Variants in ZNF267 observed in about 807,000 individuals in gnomAD.
The protein encoded by ZNF267 is zinc finger protein 267, also known as zinc finger (C2H2).
ZNF267 carries 61 observed loss-of-function variants against 71.6 expected under a neutral mutation model. That is an observed-to-expected ratio of 0.85 (90% CI 0.69 to 1.05). The LOEUF (loss-of-function observed/expected upper bound fraction) is 1.05. Ranked by LOEUF, ZNF267 falls within the 50% of genes least tolerant of loss-of-function variation. The pLI, the probability that ZNF267 is intolerant of heterozygous loss-of-function variation, is 0.00. For synonymous variants in ZNF267, 288 were observed against 293.2 expected (o/e 0.98, Z 0.18); for missense variants, 852 against 870.0 (o/e 0.98, Z 0.26).
chr16:31,889,196 AG>A (rs2083943875), intron 3 of ZNF267, among the ~76,000 whole-genome samples: 1 of 147,428 alleles, frequency 6.8e-6, no homozygotes. Context: ...ATCTAGGAAA[AG>A]TTTGTTCATT....
chr16:31,889,370 G>C (rs1447416072), intron 3 of ZNF267, among the ~76,000 whole-genome samples: 1 of 151,668 alleles, frequency 6.6e-6, no homozygotes, highest in Non-Finnish European at 1.5e-5. Context: ...GCTTATTTGA[G>C]ATCTTTGTTT....
chr16:31,880,621 T>C (rs1198235362), intron 1 of ZNF267, among the ~76,000 whole-genome samples: 1 of 152,146 alleles, frequency 6.6e-6, no homozygotes, highest in Non-Finnish European at 1.5e-5. Flanking sequence ...GGACACTTGG[T>C]TATATATCCT....
At chr16:31,886,056 A>G (rs1388863363) in intron 3 of ZNF267, among the ~76,000 whole-genome samples, 1 of 152,190 alleles carries the variant, frequency 6.6e-6, no homozygotes, top group East Asian at 1.9e-4. Context: ...CTGGTTCAGT[A>G]TGAAGCTTAC....
intron 3 of ZNF267, among the ~76,000 whole-genome samples, chr16:31,904,756 CT>C (rs1403433914): frequency 6.6e-6 from 1 of 152,172 alleles, no homozygotes; most frequent in African/African-American, 2.4e-5. Flanking sequence ...CAGTCTGTGT[CT>C]TTTAATTGGA....
At chr16:31,885,305 T>G (rs572191100) in intron 3 of ZNF267, 49 bp downstream of exon 3, 10 of 1,528,970 alleles carry the variant, frequency 6.5e-6, no homozygotes, top group Non-Finnish European at 8.8e-6. Context: ...GGTCCAGAAG[T>G]CAAGAAAGAA....
rs745644189 is a variant in ZNF267 at position 31,916,064 on chromosome 16, A to G, written c.1815A>G (p.Thr605=). 5.6e-6 allele frequency: 9 copies of G among 1,614,016 alleles called. No homozygotes were observed. The highest frequency in any genetic ancestry group is 2.2e-5 in the East Asian group (1 of 44,896). ...RRTHTGEKPY[T]CKECGKAFSY... Reference sequence around the variant, plus strand: ...CTCATACTGGAGAGAAACCCTATACATGTAAAGAATGTGGCAAAGCCTTTA... The same window carrying G: ...CTCATACTGGAGAGAAACCCTATACGTGTAAAGAATGTGGCAAAGCCTTTA... The change falls in exon 4 of 4, where the codon ACA becomes ACG. Residue 605 remains threonine (T), a synonymous_variant. Coordinates refer to ENST00000300870, the MANE Select transcript of ZNF267 (RefSeq NM_003414.6).
At chr16:31,914,390 C>A in intron 3 of ZNF267, 86 bp from the exon 4 acceptor site, 1 of 1,241,308 alleles carries the variant, frequency 8.1e-7, no homozygotes, top group Non-Finnish European at 1.1e-6. Flanking sequence ...GTATTCTCAA[C>A]TTAGCATAAT....
chr16:31,916,499 C>T lies in ZNF267; in HGVS notation c.*18C>T, dbSNP rs775209550. ...AACTTTAAAAATGTAAAACATGGAG[C>T]AGATTTTTTACTTGTTACCCATGTC... On this transcript the variant is annotated 3_prime_UTR_variant, in exon 4 of 4. Coordinates refer to ENST00000300870, the MANE Select transcript of ZNF267 (RefSeq NM_003414.6). 2 of 1,592,838 alleles carry T rather than the reference C, an allele frequency of 1.3e-6. No individual in the cohort carries two copies. The highest frequency in any genetic ancestry group is 2.3e-5 in the South Asian group (2 of 87,992).
In ZNF267 at chr16:31,884,581, T is replaced by C. The variant is rs763817496; in HGVS notation, c.87T>C (p.Tyr29=). The C allele has an allele frequency of 6.2e-7, 1 of 1,614,142 alleles. No homozygotes were observed. Among genetic ancestry groups the C allele is most frequent in the East Asian group, 2.2e-5 (1 of 44,862 alleles). The change falls in exon 2 of 4, where the codon TAT becomes TAC. Residue 29 remains tyrosine (Y), a synonymous_variant. Transcript: ENST00000300870. ...TGGAACCAGCTCAGAAGAATTTGTA[T>C]CAGGATGTGATGTTAGAAAACTACA... The part of the protein sequence containing the change: ...EHLEPAQKNL[Y]QDVMLENYRN...
At chr16:31,876,527 A>T (rs1425098813) in intron 1 of ZNF267, among the ~76,000 whole-genome samples, 1 of 152,214 alleles carries the variant, frequency 6.6e-6, no homozygotes, top group Non-Finnish European at 1.5e-5. Context: ...CCTTGGATGT[A>T]TGGCTTTAAT....
At chr16:31,888,369 A>T (rs1296076172) in intron 3 of ZNF267, among the ~76,000 whole-genome samples, 4 of 151,788 alleles carry the variant, frequency 2.6e-5, no homozygotes, top group African/African-American at 9.7e-5. Context: ...TCTTTTTCTT[A>T]CCTAATTGTT....
At chr16:31,880,520 G>T (rs2083882388) in intron 1 of ZNF267, among the ~76,000 whole-genome samples, 1 of 152,094 alleles carries the variant, frequency 6.6e-6, no homozygotes, top group Non-Finnish European at 1.5e-5. Context: ...TTCTATTCTG[G>T]TTCCACAAGG....
intron 3 of ZNF267, chr16:31,912,530 A>T (rs2084143055): frequency 6.6e-6 from 1 of 151,518 alleles, no homozygotes; most frequent in African/African-American, 2.4e-5. Flanking sequence ...CTTTGGGTTC[A>T]ATCTGCTTTG....
At chr16:31,907,142 C>T (rs1482198840) in intron 3 of ZNF267, among the ~76,000 whole-genome samples, 1 of 152,008 alleles carries the variant, frequency 6.6e-6, no homozygotes, top group African/African-American at 2.4e-5. Context: ...TTCTCTTTGT[C>T]ACTTTTGAAT....
At chr16:31,905,997 C>G (rs2084086750) in intron 3 of ZNF267, among the ~76,000 whole-genome samples, 1 of 152,178 alleles carries the variant, frequency 6.6e-6, no homozygotes. Context: ...AGTTTTCCTT[C>G]TAACAGTCAG....
chr16:31,909,367 A>C (rs1032592078), intron 3 of ZNF267, among the ~76,000 whole-genome samples: 22 of 152,090 alleles, frequency 1.4e-4, no homozygotes, highest in Admixed American at 5.9e-4. Context: ...TCCTGACCTC[A>C]AGTGATCTGC....
In ZNF267 at chr16:31,914,609, G is replaced by C. The variant is rs1289772327; in HGVS notation, c.360G>C (p.Glu120Asp). ...ATTTAAGAAAAAGGTGGAAAAGGGA[G>C]GAGTGTGAAGGGCACAATGGATGTT... ...NLHLRKRWKR[E>D]ECEGHNGCYD... The change falls in exon 4 of 4, where the codon GAG (glutamate) becomes GAC (aspartate). Residue 120 changes from glutamate to aspartate, a missense_variant. Glu to Asp is a conservative substitution (Grantham distance 45). Coordinates refer to ENST00000300870, the MANE Select transcript of ZNF267 (RefSeq NM_003414.6). 1.2e-6 allele frequency: 2 copies of C among 1,613,984 alleles called. No homozygotes were observed. The highest frequency in any genetic ancestry group is 1.7e-6 in the Non-Finnish European group (2 of 1,180,014).
chr16:31,890,747 TTATAAC>T (rs1399532369), intron 3 of ZNF267, among the ~76,000 whole-genome samples: 1 of 152,218 alleles, frequency 6.6e-6, no homozygotes, highest in African/African-American at 2.4e-5. Flanking sequence ...GAGCTCCCTT[TTATAAC>T]AGACTCACTT....
chr16:31,873,827 C>T lies in ZNF267; in HGVS notation c.-140C>T, dbSNP rs775442483. 2.5e-6 allele frequency: 3 copies of T among 1,223,606 alleles called. No homozygotes were observed. The highest frequency in any genetic ancestry group is 3.0e-5 in the African/African-American group (2 of 66,990). The allele number at this position is 1,223,606 out of a possible 1,614,324, so 75.8% of individuals were successfully genotyped here. On this transcript the variant is annotated 5_prime_UTR_variant, in exon 1 of 4. Transcript: ENST00000300870. ...GCTCCAGTTAGAGCTCGGGTCTCCT[C>T]GCCACAGCTCCGAGTCTTTCGTTCT...
Sources: allele counts gnomAD v4.1 joint callset (sites outside exome capture counted in the v4.1 genomes callset), GRCh38; gene constraint gnomAD v4.1.1; transcripts MANE v1.5; gene names NCBI Gene and HGNC (gene_info 2026-07-23, HGNC 2026-07-21).